Variants in GSS observed in about 807,000 individuals in gnomAD.
GSS encodes the protein glutathione synthetase.
In GSS, 34 loss-of-function variants were observed where a neutral mutation model predicts 60.4. That is an observed-to-expected ratio of 0.56 (90% CI 0.43 to 0.75). The LOEUF (loss-of-function observed/expected upper bound fraction) is 0.75. Ranked by LOEUF, GSS falls within the 30% of genes least tolerant of loss-of-function variation. The probability of loss-of-function intolerance (pLI) is 0.00; values close to 1 mark genes in which losing one functional copy is unlikely to be tolerated. For synonymous variants in GSS, 224 were observed against 239.0 expected (o/e 0.94, Z 0.58); for missense variants, 499 against 595.1 (o/e 0.84, Z 1.68).
intron 2 of GSS, among the ~76,000 whole-genome samples, chr20:34,947,944 A>G (rs565021713): frequency 1.4e-5 from 2 of 140,138 alleles, no homozygotes; most frequent in South Asian, 4.9e-4. Context: ...TACCCTTCTC[A>G]GCATCTTTTT....
intron 6 of GSS, among the ~76,000 whole-genome samples, chr20:34,941,354 CA>C (rs11349896): frequency 0.46 from 54,428 of 118,572 alleles, 9,984 homozygotes; most frequent in Middle Eastern, 0.51. Context: ...GACTCTGTCT[CA>C]AAAAAAAAAA....
rs1600375059 is a variant in GSS, at chr20:34,928,670, C to G, written c.*158G>C. 8.6e-6 allele frequency: 7 copies of G among 812,298 alleles called. No individual in the cohort carries two copies. Among genetic ancestry groups the G allele is most frequent in the East Asian group, 8.0e-5 (3 of 37,564 alleles). The allele number at this position is 812,298 out of a possible 1,614,324, so 50.3% of individuals were successfully genotyped here. A position where few individuals can be genotyped will look rare whatever the true frequency, so the allele number is the denominator to read the frequency against. On this transcript the variant is annotated 3_prime_UTR_variant, in exon 13 of 13. Coordinates refer to ENST00000651619, the MANE Select transcript of GSS (RefSeq NM_000178.4). ...GCGTCTAGATCTCATCTAAGGGAGA[C>G]ACAACTTTTCTGGTCCTCAGATGGA...
chr20:34,944,025 G>A (rs1000685243), intron 3 of GSS, among the ~76,000 whole-genome samples: 1 of 152,162 alleles, frequency 6.6e-6, no homozygotes, highest in Non-Finnish European at 1.5e-5. Flanking sequence ...GCAGACCAGT[G>A]GGGGGAAGCC....
At chr20:34,945,415 G>C (rs2081513232) in intron 3 of GSS, among the ~76,000 whole-genome samples, 2 of 151,072 alleles carry the variant, frequency 1.3e-5, no homozygotes, top group Admixed American at 6.6e-5. Flanking sequence ...GAAAGAGACA[G>C]AGAAGGGCGG....
chr20:34,940,867 A>T (rs550632690), intron 6 of GSS, among the ~76,000 whole-genome samples: 1 of 152,350 alleles, frequency 6.6e-6, no homozygotes, highest in South Asian at 2.1e-4. Flanking sequence ...GTCAAAGCTT[A>T]TGCATTTACT....
Position 34,946,086 on chromosome 20 carries a change from C to A in GSS, c.142G>T (p.Ala48Ser), listed in dbSNP as rs898326566. ...AGTGAGGGGAAGAGCGTGAATGGGG[C>A]ATAGCTCACCACCTGTGATCAAGAA... ...EPTSSEVVSY[A>S]PFTLFPSLVP... Residue 48 changes from alanine (A) to serine (S), a missense_variant, in exon 3 of 13, where the codon GCC becomes TCC. Coordinates refer to ENST00000651619, the MANE Select transcript of GSS (RefSeq NM_000178.4). 3 of 1,611,450 alleles carry A rather than the reference C, an allele frequency of 1.9e-6. No homozygotes were observed. Among genetic ancestry groups the A allele is most frequent in the African/African-American group, 2.7e-5 (2 of 74,856 alleles).
chr20:34,942,614 C>A lies in GSS; in HGVS notation c.365G>T (p.Gly122Val). 6.2e-7 allele frequency: 1 copy of A among 1,614,084 alleles called. No homozygotes were observed. The highest frequency in any genetic ancestry group is 8.5e-7 in the Non-Finnish European group (1 of 1,179,982). ...GAACATGTAGTCTGAGCGATTCAGG[C>A]CCAGGAACACAGTCTGTGGGGAAAA... ...KEGIAQTVFL[G>V]LNRSDYMFQR... is the part of the protein sequence containing the mutation. The change falls in exon 5 of 13, where the codon GGC becomes GTC. Residue 122 changes from glycine to valine, a missense_variant. By Grantham distance (109) the Gly-to-Val change is moderately radical. Transcript: ENST00000651619.
chr20:34,930,365 G>C (rs1480879594), intron 11 of GSS, among the ~76,000 whole-genome samples: 36 of 151,944 alleles, frequency 2.4e-4, no homozygotes, highest in Non-Finnish European at 4.4e-5. Context: ...TGTCCAAGCA[G>C]AACTTATTAC....
chr20:34,931,983 C>T lies in GSS; in HGVS notation c.985G>A (p.Ala329Thr). 6.2e-7 allele frequency: 1 copy of T among 1,614,188 alleles called. No individual in the cohort carries two copies. The highest frequency in any genetic ancestry group is 8.5e-7 in the Non-Finnish European group (1 of 1,180,030). Residue 329 changes from alanine (A) to threonine (T), a missense_variant, in exon 10 of 13, where the codon GCC becomes ACC. Coordinates refer to ENST00000651619, the MANE Select transcript of GSS (RefSeq NM_000178.4). Reference protein sequence around the residue: ...MLLPGQPEAVARLRATFAGLY... With the variant: ...MLLPGQPEAVTRLRATFAGLY... Reference sequence around the variant, plus strand: ...CCAGCAAAGGTGGCGCGGAGGCGGGCCACAGCCTCAGGCTGGCCAGGGAGC... The same window carrying T: ...CCAGCAAAGGTGGCGCGGAGGCGGGTCACAGCCTCAGGCTGGCCAGGGAGC...
At chr20:34,953,534 T>C in intron 1 of GSS, among the ~76,000 whole-genome samples, 1 of 151,360 alleles carries the variant, frequency 6.6e-6, no homozygotes, top group South Asian at 2.1e-4. Flanking sequence ...TCCTTCCTTT[T>C]CCCTTTCCCT....
At chr20:34,955,404 C>G (rs35436858) in intron 1 of GSS, 1 of 152,246 alleles carries the variant, frequency 6.6e-6, no homozygotes, top group Non-Finnish European at 1.5e-5. Flanking sequence ...CAGGCTGGCC[C>G]CACTTCACGG....
At chr20:34,931,261 TA>T in intron 11 of GSS, 74 bp downstream of exon 11, 1 of 1,134,332 alleles carries the variant, frequency 8.8e-7, no homozygotes, top group Non-Finnish European at 1.3e-6. Context: ...GTGCCCAGAG[TA>T]AGTGCCAATG....
At chr20:34,939,196 T>G (rs1188603286) in intron 6 of GSS, among the ~76,000 whole-genome samples, 1 of 152,080 alleles carries the variant, frequency 6.6e-6, no homozygotes, top group Admixed American at 6.6e-5. Flanking sequence ...GCCGAGATCG[T>G]GCCATTGCAC....
chr20:34,933,801 C>G (rs1028586863), intron 9 of GSS: 7 of 152,124 alleles, frequency 4.6e-5, no homozygotes, highest in Admixed American at 1.3e-4. Context: ...CAAGGACTTG[C>G]CCAGGGTCAT....
chr20:34,939,614 A>G (rs1183277009), intron 6 of GSS, among the ~76,000 whole-genome samples: 1 of 151,960 alleles, frequency 6.6e-6, no homozygotes, highest in Admixed American at 6.6e-5. Flanking sequence ...TGTTGTATGA[A>G]TTAAAACTAA....
intron 11 of GSS, among the ~76,000 whole-genome samples, chr20:34,929,911 C>T (rs747849157): frequency 1.6e-4 from 24 of 152,140 alleles, no homozygotes; most frequent in South Asian, 6.2e-4. Flanking sequence ...TTGCTCTCTC[C>T]CCCATGTACA....
At position 34,938,465 on chromosome 20, in the gene GSS, A is replaced by G. The variant is rs151094304; in HGVS notation, c.609-1442T>C. 1.4e-3 allele frequency among the ~76,000 whole-genome samples: 209 copies of G among 152,286 alleles called. 1 individual carries two copies. The highest frequency in any genetic ancestry group is 4.8e-3 in the African/African-American group (201 of 41,558). On this transcript the variant is annotated intron_variant, in intron 6 of 12. Coordinates refer to ENST00000651619, the MANE Select transcript of GSS (RefSeq NM_000178.4). Reference sequence around the variant, plus strand: ...GTCTTGGCTTTGAGTTGGGTGCCTGAGAGACAAACTAAAAGTGGTGCTCTC... The same window carrying G: ...GTCTTGGCTTTGAGTTGGGTGCCTGGGAGACAAACTAAAAGTGGTGCTCTC...
intron 1 of GSS, among the ~76,000 whole-genome samples, chr20:34,953,218 T>C (rs1254780643): frequency 2.0e-5 from 3 of 152,204 alleles, no homozygotes; most frequent in Non-Finnish European, 4.4e-5. Context: ...TAACAGAACA[T>C]GGTTGCCCAA....
At chr20:34,952,095 CA>C (rs2081574095) in intron 1 of GSS, 1 of 566,498 alleles carries the variant, frequency 1.8e-6, no homozygotes, top group South Asian at 1.9e-5. Flanking sequence ...ATTCCCAACA[CA>C]ATGGCATTAT....
Sources: allele counts gnomAD v4.1 joint callset (sites outside exome capture counted in the v4.1 genomes callset), GRCh38; gene constraint gnomAD v4.1.1; transcripts MANE v1.5; gene names NCBI Gene and HGNC (gene_info 2026-07-23, HGNC 2026-07-21).